PKHD1L1: variants seen among roughly 807,000 people sequenced by gnomAD.
PKHD1L1 encodes PKHD1 like 1.
In PKHD1L1, 434 loss-of-function variants were observed where a neutral mutation model predicts 462.9. That is an observed-to-expected ratio of 0.94 (90% CI 0.87 to 1.02). PKHD1L1 has a LOEUF of 1.02. PKHD1L1 is among the 50% of genes least tolerant of loss of function. The pLI is 0.00. For synonymous variants in PKHD1L1, 1,781 were observed against 1,750.0 expected, an observed-to-expected ratio of 1.02 and a Z score of -0.44; for missense variants, 5,202 against 5,096.1, an observed-to-expected ratio of 1.02 and a Z score of -0.63.
intron 34 of PKHD1L1, among the ~76,000 whole-genome samples, chr8:109,441,741 T>A (rs1418808451): frequency 6.6e-6 from 1 of 152,160 alleles, no homozygotes; most frequent in Non-Finnish European, 1.5e-5. Flanking sequence ...AGCAAACTAT[T>A]TATTGACTTT....
In PKHD1L1 at chr8:109,523,242, G is replaced by A; in HGVS notation, c.12340G>A (p.Val4114Ile). 1 of 1,587,958 alleles carries A rather than the reference G, an allele frequency of 6.3e-7. No homozygotes were observed. The highest frequency in any genetic ancestry group is 1.1e-5 in the South Asian group (1 of 88,892). Residue 4114 changes from valine (V) to isoleucine (I), a missense_variant, in exon 76 of 78, where the codon GTA (valine) becomes ATA (isoleucine). Physicochemically the swap from Val to Ile is conservative, Grantham distance 29 (BLOSUM62 3). Coordinates refer to ENST00000378402, the MANE Select transcript of PKHD1L1 (RefSeq NM_177531.6). ...TTTTTTTTTTTTTTAGGGTAACTGT[G>A]TATCAGTTGGAATTACTGCACTAAC... ...VKATDSDGNC[V>I]SVGITALTLR... is the part of the protein sequence containing the mutation.
At position 109,391,132 on chromosome 8, in the gene PKHD1L1, T is replaced by C. The variant is rs368454694; in HGVS notation, c.740+638T>C. On this transcript the variant is annotated intron_variant, in intron 9 of 77. Coordinates refer to ENST00000378402, the MANE Select transcript of PKHD1L1 (RefSeq NM_177531.6). ...TGAACATTTAGCAGCAGGCATGGTA[T>C]TAAGCACTTTACATACATTATCAAG... Among the ~76,000 whole-genome samples, 23 of 152,184 alleles carry C rather than the reference T, an allele frequency of 1.5e-4. No individual in the cohort carries two copies. In the South Asian group the frequency reaches 2.5e-3, roughly 17 times the overall value.
intron 70 of PKHD1L1, among the ~76,000 whole-genome samples, chr8:109,510,131 C>T (rs529996900): frequency 6.6e-6 from 1 of 151,992 alleles, no homozygotes; most frequent in Non-Finnish European, 1.5e-5. Context: ...TAACTGTCAA[C>T]AAAAATTTCT....
chr8:109,507,106 T>C (rs930414601), intron 68 of PKHD1L1, among the ~76,000 whole-genome samples: 2 of 152,152 alleles, frequency 1.3e-5, no homozygotes, highest in African/African-American at 4.8e-5. Flanking sequence ...CAAAGGTCTA[T>C]AAGAATATAT....
intron 24 of PKHD1L1, 67 bp downstream of exon 24, chr8:109,425,299 A>G: frequency 7.8e-7 from 1 of 1,275,590 alleles, no homozygotes; most frequent in South Asian, 2.7e-5. Context: ...ATAAAGTGTT[A>G]AATTTTGTTT....
chr8:109,522,597 A>T, intron 74 of PKHD1L1, 147 bp from the exon 75 acceptor site: 1 of 954,674 alleles, frequency 1.0e-6, no homozygotes, highest in East Asian at 2.9e-5. Context: ...AATGTAATGG[A>T]GGAAATATTG....
intron 59 of PKHD1L1, among the ~76,000 whole-genome samples, chr8:109,487,409 A>C (rs1818582827): frequency 6.6e-6 from 1 of 151,860 alleles, no homozygotes; most frequent in Admixed American, 6.6e-5. Context: ...TCATCAAATG[A>C]TACTTCAAAT....
chr8:109,464,994 C>T lies in PKHD1L1; in HGVS notation c.8162C>T (p.Ala2721Val). 6.2e-7 allele frequency: 1 copy of T among 1,613,822 alleles called. No homozygotes were observed. Among genetic ancestry groups the T allele is most frequent in the Non-Finnish European group, 8.5e-7 (1 of 1,179,772 alleles). ...CTTGATGAACTGGGAATGGGGTCTG[C>T]ATTTTGCACAGCAAAAGGCCTGGTT... ...GHLDELGMGS[A>V]FCTAKGLVLP... Residue 2721 changes from alanine to valine, a missense_variant, in exon 49 of 78, where the codon GCA (alanine) becomes GTA (valine). Transcript: ENST00000378402.
At chr8:109,433,523 CA>C (rs1432544957) in intron 28 of PKHD1L1, among the ~76,000 whole-genome samples, 1 of 152,110 alleles carries the variant, frequency 6.6e-6, no homozygotes, top group African/African-American at 2.4e-5. Context: ...CTCTGGGACA[CA>C]AAAATGTATG....
intron 28 of PKHD1L1, among the ~76,000 whole-genome samples, chr8:109,433,423 T>C (rs576347680): frequency 1.3e-5 from 2 of 152,366 alleles, no homozygotes; most frequent in East Asian, 1.9e-4. Flanking sequence ...TTCATTGTTG[T>C]ACGGTGTCTT....
chr8:109,401,320 T>TA (rs5893956), intron 13 of PKHD1L1, among the ~76,000 whole-genome samples, 177 bp from the exon 14 acceptor site: 1 of 151,934 alleles, frequency 6.6e-6, no homozygotes, highest in Admixed American at 6.6e-5. Context: ...TTTGATAATT[T>TA]AAAAAAAATT....
intron 45 of PKHD1L1, 113 bp from the exon 46 acceptor site, chr8:109,456,149 A>G: frequency 8.9e-7 from 1 of 1,120,318 alleles, no homozygotes. Flanking sequence ...ATGCTAAGGT[A>G]AAATGAGCCT....
Position 109,491,118 on chromosome 8 carries a change from T to A in PKHD1L1, c.10114+17T>A. 6.3e-7 allele frequency: 1 copy of A among 1,599,080 alleles called. No homozygotes were observed. Among genetic ancestry groups the A allele is most frequent in the Admixed American group, 1.7e-5 (1 of 59,436 alleles). ...TGGGGGAAGGTAATATAATAATATT[T>A]TGGTTCAAATTACACATCCTGTGGA... On this transcript the variant is annotated intron_variant, in intron 61 of 77. Coordinates refer to ENST00000378402, the MANE Select transcript of PKHD1L1 (RefSeq NM_177531.6).
rs774156356 is a variant in PKHD1L1, at chr8:109,452,737, A to G, written c.6527A>G (p.Tyr2176Cys). 2.6e-6 allele frequency: 4 copies of G among 1,535,508 alleles called. No homozygotes were observed. The highest frequency in any genetic ancestry group is 4.4e-5 in the Admixed American group (2 of 45,964). Residue 2176 changes from tyrosine (Y) to cysteine (C), a missense_variant, in exon 43 of 78, where the codon TAT becomes TGT. Tyr to Cys is a radical substitution (Grantham distance 194). Coordinates refer to ENST00000378402, the MANE Select transcript of PKHD1L1 (RefSeq NM_177531.6). ...TTACAGGATAATGCTGACTTTCTTT[A>G]TGTTGATGCCTGGTCCTCCAATTTC... Reference protein sequence around the residue: ...MAKLDNADFLYVDAWSSNFSW... With the variant: ...MAKLDNADFLCVDAWSSNFSW...
intron 23 of PKHD1L1, among the ~76,000 whole-genome samples, chr8:109,424,204 A>C (rs932795338): frequency 1.3e-5 from 2 of 152,192 alleles, no homozygotes; most frequent in African/African-American, 4.8e-5. Flanking sequence ...ATATCAATAA[A>C]ATCATACTGT....
Position 109,510,935 on chromosome 8 carries a change from G to C in PKHD1L1, c.11553+1G>C, listed in dbSNP as rs1220201553. 21 of 1,612,046 alleles carry C rather than the reference G, an allele frequency of 1.3e-5. No individual in the cohort carries two copies. Among genetic ancestry groups the C allele is most frequent in the Non-Finnish European group, 1.8e-5 (21 of 1,178,918 alleles). On this transcript the variant is annotated splice_donor_variant, in intron 71 of 77. Coordinates refer to ENST00000378402, the MANE Select transcript of PKHD1L1 (RefSeq NM_177531.6). LOFTEE classifies it high-confidence loss of function. ...GTTGCTTAATGTTGATCATAACAAG[G>C]TAGGGCAAGATGTCTTAAGAGTAAT... is the stretch of plus-strand genomic sequence containing the variant.
Position 109,522,898 on chromosome 8 carries a change from A to G in PKHD1L1, c.12330+8A>G. 6.3e-7 allele frequency: 1 copy of G among 1,584,024 alleles called. No homozygotes were observed. Among genetic ancestry groups the G allele is most frequent in the Non-Finnish European group, 8.6e-7 (1 of 1,167,180 alleles). On this transcript the variant is annotated splice_region_variant and intron_variant, in intron 75 of 77. Transcript: ENST00000378402. Reference sequence around the variant, plus strand: ...AAGGCAACAGATTCTGACGTAAGTCATAACTCAAAATTTTACTTAAGTGAA... The same window carrying G: ...AAGGCAACAGATTCTGACGTAAGTCGTAACTCAAAATTTTACTTAAGTGAA...
At chr8:109,434,399 A>C (rs997115530) in intron 28 of PKHD1L1, among the ~76,000 whole-genome samples, 35 of 151,618 alleles carry the variant, frequency 2.3e-4, no homozygotes, top group Non-Finnish European at 4.9e-4. Context: ...AAAAGTAAGA[A>C]AATGTTTTCA....
In PKHD1L1 at chr8:109,396,038, A is replaced by T; in HGVS notation, c.823A>T (p.Ile275Phe). Residue 275 changes from isoleucine (I) to phenylalanine (F), a missense_variant, in exon 11 of 78, where the codon ATT becomes TTT. This residue lies in a region of PKHD1L1 where 4,497 missense variants were observed against 4,336.8 expected (regional missense o/e 1.04). Coordinates refer to ENST00000378402, the MANE Select transcript of PKHD1L1 (RefSeq NM_177531.6). The part of the protein sequence containing the change: ...MFQTYAEVTM[I>F]FPSQGSIRGG... The stretch of plus-strand genomic sequence containing the variant: ...TGGTTTTCCCCCAGAGGTCACCATG[A>T]TTTTCCCTTCACAAGGAAGCATTCG... 2 of 1,598,498 alleles carry T rather than the reference A, an allele frequency of 1.3e-6. No homozygotes were observed. The highest frequency in any genetic ancestry group is 8.5e-7 in the Non-Finnish European group (1 of 1,172,262).
Sources: gnomAD v4.1 joint callset for allele counts (sites outside exome capture counted in the v4.1 genomes callset) on GRCh38, gnomAD v4.1.1 for gene constraint, gnomAD v4.1.1 regional missense constraint, MANE v1.5 for transcripts, NCBI Gene and HGNC (gene_info 2026-07-23, HGNC 2026-07-21) for gene names.